Variants in KATNAL2 observed in about 807,000 individuals in gnomAD.
KATNAL2 encodes the protein katanin catalytic subunit A1 like 2.
In KATNAL2, 52 loss-of-function variants were observed where a neutral mutation model predicts 76.3. The observed-to-expected ratio is 0.68, with a 90% CI of 0.55 to 0.86. The LOEUF is 0.86. KATNAL2 is among the 40% of genes least tolerant of loss of function. KATNAL2 has a pLI of 0.00. For synonymous variants in KATNAL2, 243 were observed against 244.2 expected, an observed-to-expected ratio of 1.00 and a Z score of 0.05; for missense variants, 660 against 668.9, an observed-to-expected ratio of 0.99 and a Z score of 0.15.
chr18:47,032,453 GCCCAGGCTGTTCTTCA>G (rs2060514188), intron 3 of KATNAL2: 1 of 166,852 alleles, frequency 6.0e-6, no homozygotes, highest in Admixed American at 5.6e-5. Flanking sequence ...TTCCTATTTT[GCCCAGGCTGTTCTTCA>G]CCTACTAGGC....
intron 1 of KATNAL2, among the ~76,000 whole-genome samples, chr18:46,931,031 C>T (rs1021952045): frequency 1.3e-5 from 2 of 151,258 alleles, no homozygotes; most frequent in Non-Finnish European, 2.9e-5. Flanking sequence ...ACCCAGGATG[C>T]GGAGGTTTCA....
intron 3 of KATNAL2, among the ~76,000 whole-genome samples, chr18:46,954,524 T>C (rs1448421217): frequency 2.0e-5 from 3 of 151,302 alleles, no homozygotes; most frequent in African/African-American, 7.3e-5. Context: ...ACAGACAGGG[T>C]TTCACCATGT....
intron 3 of KATNAL2, among the ~76,000 whole-genome samples, chr18:46,949,874 C>T (rs2059498266): frequency 6.6e-6 from 1 of 152,124 alleles, no homozygotes; most frequent in Non-Finnish European, 1.5e-5. Context: ...TGCCTCTCTT[C>T]AGTCCAACCT....
At chr18:46,962,054 A>G (rs2059990404) in intron 3 of KATNAL2, among the ~76,000 whole-genome samples, 1 of 152,208 alleles carries the variant, frequency 6.6e-6, no homozygotes, top group Non-Finnish European at 1.5e-5. Flanking sequence ...AAAATATAAT[A>G]TGAGGAAATG....
chr18:46,961,596 A>G (rs988097111), intron 3 of KATNAL2, among the ~76,000 whole-genome samples: 31 of 152,220 alleles, frequency 2.0e-4, no homozygotes, highest in Admixed American at 1.3e-4. Flanking sequence ...GACATTTTTC[A>G]AATACAGACA....
At chr18:47,071,885 G>A (rs2062013482) in intron 13 of KATNAL2, among the ~76,000 whole-genome samples, 1 of 145,732 alleles carries the variant, frequency 6.9e-6, no homozygotes, top group Non-Finnish European at 1.5e-5. Context: ...TCCCAGTGGA[G>A]TGGGAGCAAA....
Position 47,100,303 on chromosome 18 carries a change from C to G in KATNAL2, c.1424C>G (p.Ala475Gly), listed in dbSNP as rs138047360. 6.2e-7 allele frequency: 1 copy of G among 1,613,992 alleles called. No homozygotes were observed. Among genetic ancestry groups the G allele is most frequent in the African/African-American group, 1.3e-5 (1 of 74,926 alleles). Residue 475 changes from alanine to glycine, a missense_variant, in exon 17 of 18, where the codon GCA becomes GGA. By Grantham distance (60) the Ala-to-Gly change is moderately conservative. Coordinates refer to ENST00000683218, the MANE Select transcript of KATNAL2 (RefSeq NM_001387690.1). The stretch of plus-strand genomic sequence containing the variant: ...GATATTAAGCTCGTCTGCAGGGAAG[C>G]AGCCATGCGGCCCGTGAGGAAGATC... ...GSDIKLVCRE[A>G]AMRPVRKIFD...
intron 8 of KATNAL2, among the ~76,000 whole-genome samples, chr18:47,061,260 A>G (rs942691871): frequency 1.3e-5 from 2 of 152,198 alleles, no homozygotes; most frequent in Admixed American, 6.5e-5. Context: ...TCATAGTTCT[A>G]TATGGCACTG....
intron 3 of KATNAL2, among the ~76,000 whole-genome samples, chr18:47,045,555 T>C (rs2061131776): frequency 6.6e-6 from 1 of 152,152 alleles, no homozygotes; most frequent in Non-Finnish European, 1.5e-5. Context: ...ACTCCTGACC[T>C]CAAGTGATCC....
At chr18:47,033,586 T>G in intron 3 of KATNAL2, 1 of 1,614,150 alleles carries the variant, frequency 6.2e-7, no homozygotes, top group Non-Finnish European at 8.5e-7. Flanking sequence ...CCTCCACCCT[T>G]CCAGAACAGG....
rs1486545458 is a variant in KATNAL2, at chr18:47,050,171, C to T, written c.123-2709C>T. The stretch of plus-strand genomic sequence containing the variant: ...AGATTACTGGCATGAACCACCATGC[C>T]TGGCCTAAGGAACTCTTTTTTTTTT... On this transcript the variant is annotated intron_variant, in intron 4 of 17. Transcript: ENST00000683218. Among the ~76,000 whole-genome samples the T allele has an allele frequency of 3.9e-5, 6 of 152,168 alleles. No individual in the cohort carries two copies. The East Asian group carries it at 5.8e-4, about 15-fold the overall frequency.
At chr18:47,053,367 G>A (rs1186664176) in intron 5 of KATNAL2, among the ~76,000 whole-genome samples, 1 of 152,180 alleles carries the variant, frequency 6.6e-6, no homozygotes, top group Non-Finnish European at 1.5e-5. Flanking sequence ...TGTTGGAAGA[G>A]GATAAATGAC....
rs2187092 is a variant in KATNAL2, at chr18:46,946,835, A to C, written c.-19-19A>C. On this transcript the variant is annotated intron_variant, in intron 2 of 17. Transcript: ENST00000683218. ...CGACCGGTCAGCCCAGTAACTGACT[A>C]CTTTTCTCCCTTCTCTAGGGTCCTA... is the stretch of plus-strand genomic sequence containing the variant. 0.53 allele frequency: 805,964 copies of C among 1,528,112 alleles called. 215,704 individuals are homozygous for C. The highest frequency in any genetic ancestry group is 0.58 in the African/African-American group (42,200 of 72,906). The allele number at this position is 1,528,112 out of a possible 1,614,324, so 94.7% of individuals were successfully genotyped here.
chr18:47,083,100 C>G (rs1218509388), intron 15 of KATNAL2, among the ~76,000 whole-genome samples: 1 of 152,188 alleles, frequency 6.6e-6, no homozygotes. Flanking sequence ...AAATGAATTT[C>G]CTTGCATAAA....
At chr18:47,034,867 C>T (rs903733003) in intron 3 of KATNAL2, 4 of 1,612,108 alleles carry the variant, frequency 2.5e-6, no homozygotes, top group Non-Finnish European at 1.7e-6. Flanking sequence ...AGGTGTTCTG[C>T]GTGCTGTCCG....
chr18:46,931,339 T>C (rs1201130174), intron 1 of KATNAL2, among the ~76,000 whole-genome samples: 1 of 150,766 alleles, frequency 6.6e-6, no homozygotes, highest in Non-Finnish European at 1.5e-5. Flanking sequence ...AATAAAAAAT[T>C]TAAAATTAAA....
At chr18:47,091,472 C>T (rs1340171586) in intron 15 of KATNAL2, among the ~76,000 whole-genome samples, 1 of 152,190 alleles carries the variant, frequency 6.6e-6, no homozygotes, top group African/African-American at 2.4e-5. Flanking sequence ...AAGGGGAGTG[C>T]TTTCTGGTTG....
intron 11 of KATNAL2, among the ~76,000 whole-genome samples, chr18:47,067,774 A>G (rs1443357831): frequency 6.6e-6 from 1 of 152,372 alleles, no homozygotes. Context: ...CCTTAAGACA[A>G]CAATTTATTT....
chr18:47,040,915 C>T (rs752706028), intron 3 of KATNAL2, among the ~76,000 whole-genome samples: 16 of 152,102 alleles, frequency 1.1e-4, no homozygotes, highest in Admixed American at 5.2e-4. Context: ...ATATTGAATA[C>T]AATTTTATAA....
Sources: gnomAD v4.1 joint callset for allele counts (sites outside exome capture counted in the v4.1 genomes callset) on GRCh38, gnomAD v4.1.1 for gene constraint, MANE v1.5 for transcripts, NCBI Gene and HGNC (gene_info 2026-07-23, HGNC 2026-07-21) for gene names.